The following HMCN1 variants were observed in gnomAD, a reference collection of about 807,000 sequenced individuals.
HMCN1 encodes the protein hemicentin-1.
HMCN1 carries 321 observed loss-of-function variants against 625.9 expected under a neutral mutation model. The observed-to-expected ratio is 0.51, with a 90% CI of 0.47 to 0.56. HMCN1 has a LOEUF of 0.56. HMCN1 is among the 20% of genes least tolerant of loss of function. The pLI is 0.00. For missense variants in HMCN1, 6,588 were observed against 6,887.3 expected (o/e 0.96, Z 1.54); for synonymous variants, 2,425 against 2,417.6 (o/e 1.00, Z -0.09).
chr1:186,144,480 A>G, intron 90 of HMCN1, 53 bp from the exon 91 acceptor site: 1 of 1,613,244 alleles, frequency 6.2e-7, no homozygotes, highest in Non-Finnish European at 8.5e-7. Flanking sequence ...CCAGAGTGTA[A>G]CACGATGGTT....
chr1:186,031,044 G>A (rs896530660), intron 36 of HMCN1, among the ~76,000 whole-genome samples: 10 of 151,780 alleles, frequency 6.6e-5, no homozygotes, highest in African/African-American at 1.7e-4. Flanking sequence ...AATGAGTTAC[G>A]AGCAAAATAT....
chr1:186,045,766 A>G lies in HMCN1; in HGVS notation c.6383A>G (p.Asp2128Gly), dbSNP rs748815597. The G allele has an allele frequency of 5.0e-6, 8 of 1,612,654 alleles. No homozygotes were observed. The South Asian group carries it at 8.8e-5, about 18-fold the overall frequency. Residue 2128 changes from aspartate (D) to glycine (G), a missense_variant, in exon 41 of 107, where the codon GAT becomes GGT. Transcript: ENST00000271588. ...SQAVELLCQS[D>G]AIPPPTLTWL... ...GCTGTGGAATTACTATGTCAAAGTG[A>G]TGCTATTCCCCCACCTACTCTTACT...
chr1:185,781,242 C>T (rs917294503), intron 1 of HMCN1, among the ~76,000 whole-genome samples: 13 of 151,870 alleles, frequency 8.6e-5, no homozygotes, highest in Admixed American at 3.9e-4. Context: ...TCTCTCTTTT[C>T]TTCTTTATTA....
Position 186,178,786 on chromosome 1 carries a change from C to CATTT in HMCN1, c.16294+21_16294+24dup, listed in dbSNP as rs768502327. ...GTGTAGGTAAATGTCAGCCATATTA[C>CATTT]ATTTCCTTTCTGTGGGCTCTCTTAC... On this transcript the variant is annotated intron_variant, in intron 104 of 106. Transcript: ENST00000271588. The CATTT allele has an allele frequency of 2.3e-4, 351 of 1,503,364 alleles. No individual in the cohort carries two copies. The highest frequency in any genetic ancestry group is 3.0e-4 in the Non-Finnish European group (327 of 1,079,358). 93.1% of individuals were successfully genotyped at this position (1,503,364 alleles called of 1,614,324 possible). A position where few individuals can be genotyped will look rare whatever the true frequency, so the allele number is the denominator to read the frequency against.
In HMCN1 at chr1:186,132,380, T is replaced by A. The variant is rs780998948; in HGVS notation, c.13283T>A (p.Val4428Glu). The A allele has an allele frequency of 6.2e-7, 1 of 1,612,596 alleles. No homozygotes were observed. Among genetic ancestry groups the A allele is most frequent in the South Asian group, 1.1e-5 (1 of 90,902 alleles). Reference protein sequence around the residue: ...TCVATNEAGVVERSMSLTLQS... With the variant: ...TCVATNEAGVEERSMSLTLQS... Reference sequence around the variant, plus strand: ...GTAGCTACCAATGAAGCTGGGGTGGTGGAGCGCAGCATGAGTCTGACTCTG... The same window carrying A: ...GTAGCTACCAATGAAGCTGGGGTGGAGGAGCGCAGCATGAGTCTGACTCTG... Residue 4428 changes from valine to glutamate, a missense_variant, in exon 86 of 107, where the codon GTG becomes GAG. Physicochemically the swap from Val to Glu is moderately radical, Grantham distance 121. Coordinates refer to ENST00000271588, the MANE Select transcript of HMCN1 (RefSeq NM_031935.3).
At chr1:186,015,882 C>T in intron 31 of HMCN1, 76 bp from the exon 32 acceptor site, 1 of 1,357,384 alleles carries the variant, frequency 7.4e-7, no homozygotes, top group Non-Finnish European at 1.1e-6. Flanking sequence ...AAAACAAAAG[C>T]TCTTCTTTAT....
intron 4 of HMCN1, among the ~76,000 whole-genome samples, chr1:185,868,444 G>C (rs1398302574): frequency 6.6e-6 from 1 of 152,076 alleles, no homozygotes; most frequent in Non-Finnish European, 1.5e-5. Context: ...GATTATGGGG[G>C]CAGTTCCCCC....
intron 50 of HMCN1, among the ~76,000 whole-genome samples, chr1:186,068,868 CAAAAAAA>C (rs397862240): frequency 1.3e-5 from 1 of 76,776 alleles, no homozygotes. Flanking sequence ...GACTCGGTCT[CAAAAAAA>C]AAAAAAAAAA....
chr1:186,045,476 A>C (rs1286092200), intron 40 of HMCN1, among the ~76,000 whole-genome samples: 2 of 152,170 alleles, frequency 1.3e-5, no homozygotes, highest in East Asian at 3.9e-4. Flanking sequence ...TTTTTAAATA[A>C]GAAGTTAGTG....
At chr1:186,095,857 A>G (rs553810219) in intron 68 of HMCN1, among the ~76,000 whole-genome samples, 1 of 152,284 alleles carries the variant, frequency 6.6e-6, no homozygotes, top group Non-Finnish European at 1.5e-5. Context: ...AAAAAGCATA[A>G]TAGGTATACT....
chr1:185,777,461 T>C (rs921389012), intron 1 of HMCN1, among the ~76,000 whole-genome samples: 2 of 151,586 alleles, frequency 1.3e-5, no homozygotes, highest in African/African-American at 4.9e-5. Context: ...TTTTTCTTTT[T>C]TTTTTTTCTG....
intron 36 of HMCN1, among the ~76,000 whole-genome samples, chr1:186,037,716 T>G (rs1347182547): frequency 6.6e-6 from 1 of 152,214 alleles, no homozygotes; most frequent in East Asian, 1.9e-4. Context: ...GATTTTCCTA[T>G]CTGGACACAG....
intron 77 of HMCN1, among the ~76,000 whole-genome samples, chr1:186,118,022 T>A (rs1299223338): frequency 1.3e-5 from 2 of 152,184 alleles, no homozygotes; most frequent in East Asian, 3.8e-4. Context: ...TATACTCTAC[T>A]AAGATTCTGA....
At position 186,137,881 on chromosome 1, in the gene HMCN1, G is replaced by A. The variant is rs186418526; in HGVS notation, c.13833G>A (p.Arg4611=). 2.4e-4 allele frequency: 385 copies of A among 1,614,082 alleles called. 1 individual carries two copies. The highest frequency in any genetic ancestry group is 1.6e-3 in the South Asian group (150 of 91,090). ...GACGCGGCAACCAAACCAGGACCAG[G>A]ACTTGCAATAATCCATCAGTTCAGC... ...SCGRGNQTRT[R]TCNNPSVQHG... The change falls in exon 89 of 107, where the codon AGG becomes AGA. Residue 4611 remains arginine (R), a synonymous_variant. Transcript: ENST00000271588.
intron 1 of HMCN1, among the ~76,000 whole-genome samples, chr1:185,800,708 C>G (rs1375528455): frequency 6.6e-6 from 1 of 151,976 alleles, no homozygotes; most frequent in Admixed American, 6.5e-5. Flanking sequence ...TTTGAATTAA[C>G]CATACCCAAT....
At chr1:185,910,792 A>G (rs1028579298) in intron 5 of HMCN1, among the ~76,000 whole-genome samples, 6 of 152,024 alleles carry the variant, frequency 3.9e-5, no homozygotes, top group Non-Finnish European at 7.4e-5. Context: ...GCTGGTTTTG[A>G]ACTTCTGACC....
rs146964438 is a variant in HMCN1 at position 185,962,628 on chromosome 1, G to A, written c.1939G>A (p.Val647Ile). Residue 647 changes from valine to isoleucine, a missense_variant, in exon 12 of 107, where the codon GTT (valine) becomes ATT (isoleucine). This residue lies in a region of HMCN1 where 4,628 missense variants were observed against 4,853.1 expected (regional missense o/e 0.95). Coordinates refer to ENST00000271588, the MANE Select transcript of HMCN1 (RefSeq NM_031935.3). ...TCCCAAACCAAAGATTGCCTGGACCGTTAACGATATGTTTATCGTGGGTTC... is the reference window on the plus strand; with the variant it reads ...TCCCAAACCAAAGATTGCCTGGACCATTAACGATATGTTTATCGTGGGTTC... ...GYPKPKIAWT[V>I]NDMFIVGSHR... The A allele has an allele frequency of 1.1e-4, 173 of 1,587,316 alleles. 1 individual carries two copies. The highest frequency in any genetic ancestry group is 2.9e-4 in the East Asian group (13 of 44,738).
At chr1:186,187,774 C>G (rs566434291) in intron 105 of HMCN1, 109 bp from the exon 106 acceptor site, 2 of 1,406,912 alleles carry the variant, frequency 1.4e-6, no homozygotes, top group African/African-American at 2.8e-5. Flanking sequence ...TCATTCATGG[C>G]AGGAGAAGGC....
At chr1:186,150,734 C>T (rs140452108) in intron 93 of HMCN1, among the ~76,000 whole-genome samples, 139 of 152,062 alleles carry the variant, frequency 9.1e-4, no homozygotes, top group African/African-American at 3.0e-3. Context: ...ATCCTCATTC[C>T]GCCACTGTCT....
Sources: allele counts gnomAD v4.1 joint callset (sites outside exome capture counted in the v4.1 genomes callset), GRCh38; gene constraint gnomAD v4.1.1; regional missense constraint gnomAD v4.1.1; transcripts MANE v1.5; gene names NCBI Gene and HGNC (gene_info 2026-07-23, HGNC 2026-07-21).